The following ATL2 variants were observed in gnomAD, a reference collection of about 807,000 sequenced individuals.
The protein encoded by ATL2 is atlastin-2.
In ATL2, 31 loss-of-function variants were observed where a neutral mutation model predicts 73.9. That is an observed-to-expected ratio of 0.42 (90% CI 0.32 to 0.57). ATL2 has a LOEUF of 0.57. Ranked by LOEUF, ATL2 falls within the 20% of genes least tolerant of loss-of-function variation. The probability of loss-of-function intolerance (pLI) is 0.14; values close to 1 mark genes in which losing one functional copy is unlikely to be tolerated. For synonymous variants in ATL2, 291 were observed against 237.5 expected (o/e 1.23, Z -2.07); for missense variants, 738 against 702.6 (o/e 1.05, Z -0.57).
chr2:38,358,141 G>T (rs553328954), intron 1 of ATL2, among the ~76,000 whole-genome samples: 2 of 152,204 alleles, frequency 1.3e-5, no homozygotes, highest in South Asian at 2.1e-4. Flanking sequence ...ACTAACAAGG[G>T]TCACTCTATT....
At chr2:38,341,356 G>C (rs997538894) in intron 2 of ATL2, among the ~76,000 whole-genome samples, 1 of 152,116 alleles carries the variant, frequency 6.6e-6, no homozygotes, top group Non-Finnish European at 1.5e-5. Context: ...GAAAACTTTA[G>C]CTGAGCATGG....
chr2:38,299,625 T>C (rs1320842509), intron 10 of ATL2, among the ~76,000 whole-genome samples: 3 of 152,182 alleles, frequency 2.0e-5, no homozygotes, highest in African/African-American at 7.2e-5. Context: ...CTAAAATATG[T>C]GGATCTCCAG....
At chr2:38,325,703 C>T (rs1174846647) in intron 2 of ATL2, among the ~76,000 whole-genome samples, 2 of 60,262 alleles carry the variant, frequency 3.3e-5, no homozygotes, top group Admixed American at 1.6e-4. Flanking sequence ...CACCAGTACA[C>T]ACACACACAC....
chr2:38,349,418 C>T (rs1558438966), intron 1 of ATL2, among the ~76,000 whole-genome samples: 2 of 148,468 alleles, frequency 1.3e-5, no homozygotes, highest in Admixed American at 6.8e-5. Context: ...TAAACTATCG[C>T]AAGGACAAAA....
At chr2:38,360,175 G>T (rs1029848780) in intron 1 of ATL2, among the ~76,000 whole-genome samples, 1 of 149,096 alleles carries the variant, frequency 6.7e-6, no homozygotes, top group Non-Finnish European at 1.5e-5. Context: ...TTTAAATTTG[G>T]TATTTTAAAT....
chr2:38,294,201 TA>T lies in ATL2; in HGVS notation c.*1792del, dbSNP rs1666760666. Among the ~76,000 whole-genome samples the T allele has an allele frequency of 6.6e-6, 1 of 152,130 alleles. No homozygotes were observed. The highest frequency in any genetic ancestry group is 2.4e-5 in the African/African-American group (1 of 41,434). ...GGGAGCGAAGATGTATCAACCAAAG[TA>T]AATTCAGAGTTTTCACACATGCAAC... On this transcript the variant is annotated 3_prime_UTR_variant, in exon 13 of 13. Coordinates refer to ENST00000378954, the MANE Select transcript of ATL2 (RefSeq NM_001135673.4).
chr2:38,300,660 CT>C (rs1553327892), intron 9 of ATL2, among the ~76,000 whole-genome samples: 1 of 151,752 alleles, frequency 6.6e-6, no homozygotes, highest in Non-Finnish European at 1.5e-5. Flanking sequence ...TTTTTTTTCT[CT>C]TTCTTTAGAG....
Position 38,334,028 on chromosome 2 carries a change from C to CTTTTTT in ATL2, c.363+9234_363+9239dup, listed in dbSNP as rs34303299. Among the ~76,000 whole-genome samples, 60 of 121,620 alleles carry CTTTTTT rather than the reference C, an allele frequency of 4.9e-4. 3 individuals carry two copies. The highest frequency in any genetic ancestry group is 1.9e-3 in the African/African-American group (58 of 29,782). The allele number at this position is 121,620 out of a possible 152,430, so 79.8% of individuals were successfully genotyped here. On this transcript the variant is annotated intron_variant, in intron 2 of 12. Transcript: ENST00000378954. ...CCACATAACCTCTGTATCCAATCCTCTTTTTTTTTTTTTTTTTTTGAGACA... is the reference window on the plus strand; with the variant it reads ...CCACATAACCTCTGTATCCAATCCTCTTTTTTTTTTTTTTTTTTTTTTTTTGAGACA...
intron 1 of ATL2, chr2:38,358,574 C>T: frequency 3.1e-6 from 1 of 322,850 alleles, no homozygotes; most frequent in Non-Finnish European, 6.5e-6. Flanking sequence ...CGCCTGTAGT[C>T]CCAGATACTC....
intron 9 of ATL2, among the ~76,000 whole-genome samples, chr2:38,306,866 TA>T (rs1201846615): frequency 6.6e-6 from 1 of 152,110 alleles, no homozygotes; most frequent in Non-Finnish European, 1.5e-5. Context: ...TCACCACTGC[TA>T]TTCTACACAG....
chr2:38,366,893 A>G (rs1371782484), intron 1 of ATL2, among the ~76,000 whole-genome samples: 1 of 152,172 alleles, frequency 6.6e-6, no homozygotes, highest in Non-Finnish European at 1.5e-5. Context: ...TCCGGCCTCT[A>G]GTCCCAAAAG....
intron 5 of ATL2, among the ~76,000 whole-genome samples, chr2:38,315,080 C>A (rs1223823980): frequency 2.0e-5 from 3 of 152,144 alleles, no homozygotes. Context: ...GGTGAAACTT[C>A]ATCTCCACTA....
At chr2:38,357,130 C>T (rs1378952072) in intron 1 of ATL2, among the ~76,000 whole-genome samples, 1 of 152,042 alleles carries the variant, frequency 6.6e-6, no homozygotes, top group African/African-American at 2.4e-5. Context: ...GAGATCGAGA[C>T]CATCCTGGCC....
At chr2:38,370,406 G>A (rs193120951) in intron 1 of ATL2, among the ~76,000 whole-genome samples, 2,800 of 124,086 alleles carry the variant, frequency 0.023, 27 homozygotes, top group Middle Eastern at 0.032. Flanking sequence ...CCAAGATCGC[G>A]CCACTGCGCT....
At chr2:38,350,396 C>A (rs540661429) in intron 1 of ATL2, among the ~76,000 whole-genome samples, 5 of 152,218 alleles carry the variant, frequency 3.3e-5, no homozygotes, top group African/African-American at 1.2e-4. Context: ...CACGGCCTAA[C>A]AAAAGAAAGG....
intron 1 of ATL2, among the ~76,000 whole-genome samples, chr2:38,357,201 G>A (rs757970434): frequency 6.6e-6 from 1 of 152,024 alleles, no homozygotes; most frequent in East Asian, 1.9e-4. Context: ...GGTGGTGGGT[G>A]CCTGTAATCC....
rs112756733 is a variant in ATL2 at position 38,351,841 on chromosome 2, G to C, written c.119-8329C>G. ...AACAGCATAAAATTGGCCGGGTGCA[G>C]TGGCTCACGTCTGTAATCCCAGCAC... On this transcript the variant is annotated intron_variant, in intron 1 of 12. Coordinates refer to ENST00000378954, the MANE Select transcript of ATL2 (RefSeq NM_001135673.4). Among the ~76,000 whole-genome samples, 95 of 151,870 alleles carry C rather than the reference G, an allele frequency of 6.3e-4. 1 individual carries two copies. Among genetic ancestry groups the C allele is most frequent in the Middle Eastern group, 3.4e-3 (1 of 294 alleles).
intron 2 of ATL2, among the ~76,000 whole-genome samples, chr2:38,322,062 C>T (rs1340908145): frequency 6.6e-6 from 1 of 152,134 alleles, no homozygotes; most frequent in African/African-American, 2.4e-5. Context: ...TATGGTTTTG[C>T]AGTTTTTTTG....
intron 2 of ATL2, among the ~76,000 whole-genome samples, chr2:38,331,197 G>A (rs929864024): frequency 2.0e-5 from 3 of 152,038 alleles, no homozygotes; most frequent in Non-Finnish European, 2.9e-5. Context: ...CACTTTGGGA[G>A]GCCGAGGTGG....
Sources: allele counts gnomAD v4.1 joint callset (sites outside exome capture counted in the v4.1 genomes callset), GRCh38; gene constraint gnomAD v4.1.1; transcripts MANE v1.5; gene names NCBI Gene and HGNC (gene_info 2026-07-23, HGNC 2026-07-21).